Variants in LOC131768270 observed in about 807,000 individuals in gnomAD.
At chr5:140,568,106 A>G in the LOC131768270 span, 1 of 1,613,712 alleles carries the variant, frequency 6.2e-7, no homozygotes, top group Non-Finnish European at 8.5e-7. Context: ...CACATTGCTC[A>G]TTGGCCTGGC....
chr5:140,567,971 T>C, the LOC131768270 span: 1 of 1,614,196 alleles, frequency 6.2e-7, no homozygotes. Flanking sequence ...ACTGCTCATG[T>C]CTGCTGTCAT....
chr5:140,568,475 G>A, the LOC131768270 span: 1 of 365,916 alleles, frequency 2.7e-6, no homozygotes, highest in Non-Finnish European at 5.3e-6. Flanking sequence ...GCTTTGTCCT[G>A]CATGAACAGA....
the LOC131768270 span, chr5:140,568,109 G>T: frequency 5.0e-6 from 8 of 1,613,710 alleles, no homozygotes; most frequent in Non-Finnish European, 6.8e-6. Flanking sequence ...ATTGCTCATT[G>T]GCCTGGCCAT....
chr5:140,567,774 C>G, the LOC131768270 span: 4 of 1,613,924 alleles, frequency 2.5e-6, no homozygotes, highest in Admixed American at 6.7e-5. Context: ...TCAGGCTTGT[C>G]GTCAGTGTAC....
the LOC131768270 span, chr5:140,567,198 G>A: frequency 2.2e-5 from 35 of 1,613,482 alleles, no homozygotes; most frequent in Non-Finnish European, 2.7e-5. Context: ...GGTATGCCAG[G>A]CCTGGGCCGT....
At chr5:140,568,446 C>T in the LOC131768270 span, 4 of 434,910 alleles carry the variant, frequency 9.2e-6, no homozygotes, top group African/African-American at 4.0e-5. Context: ...ATAACCCCAT[C>T]CTTGTTGGGC....
At chr5:140,565,213 C>T in the LOC131768270 span, 1 of 294,236 alleles carries the variant, frequency 3.4e-6, no homozygotes, top group Non-Finnish European at 6.2e-6. Flanking sequence ...ACTCACACCA[C>T]CCTCATTCAA....
At chr5:140,565,728 C>A in the LOC131768270 span, 2 of 393,136 alleles carry the variant, frequency 5.1e-6, no homozygotes, top group Non-Finnish European at 9.0e-6. Context: ...GCTTGTCTTT[C>A]TTTGCCACTG....
chr5:140,568,586 A>G, the LOC131768270 span: 3 of 223,512 alleles, frequency 1.3e-5, no homozygotes, highest in African/African-American at 7.1e-5. Flanking sequence ...GCCATGGTGC[A>G]TGACTCTTCC....
the LOC131768270 span, chr5:140,567,362 T>G: frequency 2.5e-6 from 4 of 1,614,092 alleles, no homozygotes; most frequent in African/African-American, 4.0e-5. Context: ...GCTACTGTTA[T>G]GCGCCTTCTC....
the LOC131768270 span, chr5:140,565,894 G>A: frequency 2.5e-6 from 1 of 398,996 alleles, no homozygotes; most frequent in Non-Finnish European, 4.4e-6. Context: ...TAAGCTTAAG[G>A]ACCTGGCATT....
chr5:140,567,891 C>T, the LOC131768270 span: 3 of 1,614,098 alleles, frequency 1.9e-6, no homozygotes, highest in Non-Finnish European at 2.5e-6. Context: ...GGCGGCGGCT[C>T]TGGCCCAGGC....
chr5:140,567,781 G>A, the LOC131768270 span: 1 of 1,614,098 alleles, frequency 6.2e-7, no homozygotes, highest in African/African-American at 1.3e-5. Flanking sequence ...TGTCGTCAGT[G>A]TACACAGAGC....
chr5:140,565,789 C>G, the LOC131768270 span: 1 of 397,434 alleles, frequency 2.5e-6, no homozygotes, highest in East Asian at 3.6e-5. Context: ...CACCCCATCC[C>G]CTCCCAATTC....
At chr5:140,568,043 GTGC>G in the LOC131768270 span, 1 of 1,613,942 alleles carries the variant, frequency 6.2e-7, no homozygotes, top group Non-Finnish European at 8.5e-7. Context: ...GGTCAACGCC[GTGC>G]TCTCAGCAGT....
the LOC131768270 span, chr5:140,566,680 A>G: frequency 0.011 from 5,545 of 523,564 alleles, 45 homozygotes; most frequent in Non-Finnish European, 0.014. Context: ...ACTGGCATCT[A>G]TGCGGCTCAG....
the LOC131768270 span, chr5:140,565,455 C>T: frequency 6.4e-6 from 1 of 156,988 alleles, no homozygotes; most frequent in South Asian, 2.0e-4. Flanking sequence ...GGTCTAGAAG[C>T]TCAGCATTAC....
the LOC131768270 span, chr5:140,567,709 GC>G: frequency 5.6e-6 from 9 of 1,614,104 alleles, no homozygotes; most frequent in Admixed American, 1.5e-4. Context: ...CCAGCCCCAT[GC>G]CCCTGCATAT....
the LOC131768270 span, chr5:140,565,669 C>T: frequency 7.0e-3 from 2,556 of 366,652 alleles, 66 homozygotes; most frequent in African/African-American, 0.048. Flanking sequence ...GTTCAGATCC[C>T]ATCTGTCAGT....
Sources: gnomAD v4.1 joint callset for allele counts on GRCh38, gnomAD v4.1.1 for gene constraint, MANE v1.5 for transcripts.